Variants in PIP5K1C observed in about 807,000 individuals in gnomAD.
The protein encoded by PIP5K1C is phosphatidylinositol-4-phosphate 5-kinase type 1 gamma.
Under a neutral mutation model 80.1 loss-of-function variants are expected in PIP5K1C, and 45 were observed. The ratio of observed to expected loss-of-function variants is 0.56; its 90% CI spans 0.44 to 0.72. PIP5K1C has a LOEUF of 0.72. PIP5K1C is among the 30% of genes least tolerant of loss of function. The pLI, the probability that PIP5K1C is intolerant of heterozygous loss-of-function variation, is 0.00. For missense variants in PIP5K1C, 753 were observed against 954.6 expected, an observed-to-expected ratio of 0.79 and a Z score of 2.78; for synonymous variants, 498 against 420.1, an observed-to-expected ratio of 1.19 and a Z score of -2.27.
At chr19:3,656,606 A>G (rs1352855142) in intron 5 of PIP5K1C, 49 bp from the exon 6 acceptor site, 2 of 1,603,100 alleles carry the variant, frequency 1.2e-6, no homozygotes, top group Non-Finnish European at 1.7e-6. Flanking sequence ...CCGGACACAC[A>G]GACAGCACTG....
chr19:3,669,008 G>A lies in PIP5K1C; in HGVS notation c.95-1655C>T, dbSNP rs536624174. ...TGCTGGCACCACCCAGGGCCCAGGG[G>A]CATGGAGACAAATGCTTCTTTTCAA... On this transcript the variant is annotated intron_variant, in intron 1 of 17. Coordinates refer to ENST00000335312, the MANE Select transcript of PIP5K1C (RefSeq NM_012398.3). Among the ~76,000 whole-genome samples the A allele has an allele frequency of 9.2e-5, 14 of 152,324 alleles. No individual in the cohort carries two copies. The East Asian group carries it at 2.5e-3, about 27-fold the overall frequency.
At chr19:3,678,242 G>A (rs1342435082) in intron 1 of PIP5K1C, among the ~76,000 whole-genome samples, 1 of 131,054 alleles carries the variant, frequency 7.6e-6, no homozygotes, top group Non-Finnish European at 1.6e-5. Flanking sequence ...GAGGATGGAG[G>A]AATGGAGAAT....
chr19:3,671,911 C>T (rs899632695), intron 1 of PIP5K1C, among the ~76,000 whole-genome samples: 1 of 152,220 alleles, frequency 6.6e-6, no homozygotes, highest in African/African-American at 2.4e-5. Context: ...ACCCCGTTTT[C>T]GAGGAAATTA....
chr19:3,679,884 T>G (rs1350266565), intron 1 of PIP5K1C, among the ~76,000 whole-genome samples: 3 of 152,324 alleles, frequency 2.0e-5, no homozygotes, highest in African/African-American at 2.4e-5. Context: ...GCCTAGAACG[T>G]GCCCGGCATG....
chr19:3,642,373 G>A (rs943125879), intron 14 of PIP5K1C, among the ~76,000 whole-genome samples: 5 of 152,358 alleles, frequency 3.3e-5, no homozygotes, highest in African/African-American at 1.2e-4. Flanking sequence ...TGCAGTCCAT[G>A]GGATGGAAGG....
At chr19:3,660,272 C>A (rs530141162) in intron 5 of PIP5K1C, among the ~76,000 whole-genome samples, 1 of 151,994 alleles carries the variant, frequency 6.6e-6, no homozygotes, top group Non-Finnish European at 1.5e-5. Flanking sequence ...CCCAGCTACT[C>A]GGGAAGCTGA....
intron 1 of PIP5K1C, among the ~76,000 whole-genome samples, chr19:3,687,507 G>GCACATACATGCACACATGCACACGCACA (rs1225075176): frequency 1.1e-4 from 17 of 150,032 alleles, no homozygotes; most frequent in African/African-American, 3.7e-4. Context: ...ACGCACACAT[G>GCACATACATGCACACATGCACACGCACA]CACATACATG....
In PIP5K1C at chr19:3,684,994, G is replaced by A. The variant is rs566477668; in HGVS notation, c.94+15303C>T. Among the ~76,000 whole-genome samples the A allele has an allele frequency of 1.8e-4, 27 of 152,334 alleles. No individual in the cohort carries two copies. In the South Asian group the frequency reaches 3.7e-3, roughly 21 times the overall value. ...TTTGCAACTTCCATCCTTTGGTGCC[G>A]TCTGAAATACATATTTTGTCATTTT... On this transcript the variant is annotated intron_variant, in intron 1 of 17. Coordinates refer to ENST00000335312, the MANE Select transcript of PIP5K1C (RefSeq NM_012398.3).
At position 3,640,372 on chromosome 19, in the gene PIP5K1C, C is replaced by T. The variant is rs377236125; in HGVS notation, c.1787+1333G>A. ...CTACTAAAAATACAAAAAAATTAGC[C>T]GGGCGTGGTGGTGCATGCCTGTAAT... On this transcript the variant is annotated intron_variant, in intron 15 of 17. Coordinates refer to ENST00000335312, the MANE Select transcript of PIP5K1C (RefSeq NM_012398.3). 2.3e-4 allele frequency among the ~76,000 whole-genome samples: 35 copies of T among 152,086 alleles called. No individual in the cohort carries two copies. In the East Asian group the frequency reaches 2.3e-3, roughly 10 times the overall value.
intron 1 of PIP5K1C, among the ~76,000 whole-genome samples, chr19:3,677,249 TAGAAAA>T (rs1432235736): frequency 6.6e-5 from 10 of 151,904 alleles, no homozygotes; most frequent in African/African-American, 2.4e-4. Flanking sequence ...GCAATAAGAC[TAGAAAA>T]AGAGAAAGGA....
chr19:3,665,007 G>A (rs762544311), intron 2 of PIP5K1C, 93 bp from the exon 3 acceptor site: 16 of 1,058,326 alleles, frequency 1.5e-5, no homozygotes, highest in Admixed American at 1.8e-5. Flanking sequence ...AGGTTTAGTC[G>A]TTGGGCCCAG....
rs1289929301 is a variant in PIP5K1C at position 3,633,124 on chromosome 19, A to G, written c.*43T>C. The G allele has an allele frequency of 4.0e-6, 3 of 750,732 alleles. No individual in the cohort carries two copies. The highest frequency in any genetic ancestry group is 7.4e-6 in the Non-Finnish European group (3 of 404,238). 46.5% of individuals were successfully genotyped at this position (750,732 alleles called of 1,614,324 possible). On this transcript the variant is annotated 3_prime_UTR_variant, in exon 18 of 18. Transcript: ENST00000335312. ...GGGCAGCGCCTTCGGGGGCAGCCGG[A>G]GCAGAAGTGGAGCTCGGCTCTGGGT...
At chr19:3,671,510 C>G (rs932431990) in intron 1 of PIP5K1C, among the ~76,000 whole-genome samples, 1 of 152,210 alleles carries the variant, frequency 6.6e-6, no homozygotes, top group Non-Finnish European at 1.5e-5. Flanking sequence ...GGCTCGGGCC[C>G]TGCTGGGAAC....
intron 1 of PIP5K1C, among the ~76,000 whole-genome samples, chr19:3,677,625 T>G (rs1473488494): frequency 6.7e-6 from 1 of 149,876 alleles, no homozygotes; most frequent in East Asian, 1.9e-4. Context: ...TGCTGAATCG[T>G]GTTAAGTGTT....
Position 3,631,132 on chromosome 19 carries a change from T to C in PIP5K1C, c.*2035A>G. 1 of 152,304 alleles carries C rather than the reference T, an allele frequency of 6.6e-6. No homozygotes were observed. Among genetic ancestry groups the C allele is most frequent in the East Asian group, 1.9e-4 (1 of 5,196 alleles). 9.4% of individuals were successfully genotyped at this position (152,304 alleles called of 1,614,324 possible). A position where few individuals can be genotyped will look rare whatever the true frequency, so the allele number is the denominator to read the frequency against. On this transcript the variant is annotated 3_prime_UTR_variant, in exon 18 of 18. Coordinates refer to ENST00000335312, the MANE Select transcript of PIP5K1C (RefSeq NM_012398.3). ...AAGGCGCGTCGGCCGGGCACTGGTGTCCCGTGTCACTCAGCGGAGGGAGGC... is the reference window on the plus strand; with the variant it reads ...AAGGCGCGTCGGCCGGGCACTGGTGCCCCGTGTCACTCAGCGGAGGGAGGC...
intron 1 of PIP5K1C, among the ~76,000 whole-genome samples, chr19:3,682,849 A>G (rs995694803): frequency 6.6e-6 from 1 of 151,912 alleles, no homozygotes; most frequent in Admixed American, 6.6e-5. Flanking sequence ...CCGCTCCCAG[A>G]CTCCTGACTC....
chr19:3,656,675 G>T, intron 5 of PIP5K1C, 118 bp from the exon 6 acceptor site: 1 of 1,186,490 alleles, frequency 8.4e-7, no homozygotes, highest in Non-Finnish European at 1.2e-6. Flanking sequence ...TTTTACAGAT[G>T]CGGAAAGAGA....
At chr19:3,680,969 TGCCC>T (rs2035571907) in intron 1 of PIP5K1C, among the ~76,000 whole-genome samples, 1 of 152,176 alleles carries the variant, frequency 6.6e-6, no homozygotes, top group Admixed American at 6.5e-5. Context: ...CCCCCTGCAG[TGCCC>T]AGGATGGCCC....
At chr19:3,699,463 G>A (rs766079766) in intron 1 of PIP5K1C, among the ~76,000 whole-genome samples, 7 of 152,182 alleles carry the variant, frequency 4.6e-5, no homozygotes, top group Non-Finnish European at 8.8e-5. Flanking sequence ...GGGAGGCCTG[G>A]GGGGAGAAGG....
Sources: allele counts gnomAD v4.1 joint callset (sites outside exome capture counted in the v4.1 genomes callset), GRCh38; gene constraint gnomAD v4.1.1; transcripts MANE v1.5; gene names NCBI Gene and HGNC (gene_info 2026-07-23, HGNC 2026-07-21).